Variants in RAD51B observed in about 807,000 individuals in gnomAD.
RAD51B encodes the protein RAD51 paralog B.
A neutral mutation model predicts 42.2 loss-of-function variants in RAD51B; 38 were observed. The observed-to-expected ratio is 0.90, with a 90% CI of 0.70 to 1.18. RAD51B has a LOEUF of 1.18. Ranked by LOEUF, RAD51B falls within the 50% of genes most tolerant of loss-of-function variation. The pLI is 0.00. For missense variants in RAD51B, 373 were observed against 400.7 expected (o/e 0.93, Z 0.59); for synonymous variants, 154 against 145.2 (o/e 1.06, Z -0.43).
intron 7 of RAD51B, among the ~76,000 whole-genome samples, chr14:67,948,544 G>A (rs2074378093): frequency 6.6e-6 from 1 of 152,078 alleles, no homozygotes; most frequent in Admixed American, 6.5e-5. Context: ...GCAATAATGT[G>A]AGTGATACAT....
At chr14:68,246,501 C>CT (rs1462585904) in intron 7 of RAD51B, among the ~76,000 whole-genome samples, 2 of 152,086 alleles carry the variant, frequency 1.3e-5, no homozygotes, top group African/African-American at 4.8e-5. Flanking sequence ...GAAAAGGGGG[C>CT]TTCCATGTGG....
At chr14:68,505,585 C>T (rs1475466006) in intron 10 of RAD51B, among the ~76,000 whole-genome samples, 4 of 143,282 alleles carry the variant, frequency 2.8e-5, no homozygotes, top group African/African-American at 1.1e-4. Flanking sequence ...GAGTCTCGCT[C>T]CGTTGCCCAG....
intron 10 of RAD51B, among the ~76,000 whole-genome samples, chr14:68,638,395 C>T (rs1465656171): frequency 6.6e-6 from 1 of 152,092 alleles, no homozygotes; most frequent in Non-Finnish European, 1.5e-5. Flanking sequence ...GGCCAGGCTT[C>T]CAAGCAAGCT....
chr14:68,258,736 A>G (rs2080813097), intron 7 of RAD51B, among the ~76,000 whole-genome samples: 1 of 152,074 alleles, frequency 6.6e-6, no homozygotes, highest in Non-Finnish European at 1.5e-5. Flanking sequence ...GCAGGTCATG[A>G]CCATCCCCAT....
chr14:68,638,705 C>T (rs1222132104), intron 10 of RAD51B, among the ~76,000 whole-genome samples: 1 of 151,996 alleles, frequency 6.6e-6, no homozygotes, highest in Non-Finnish European at 1.5e-5. Context: ...AAAAGGGTGC[C>T]GAGCAAACCT....
rs371844940 is a variant in RAD51B at position 68,653,876 on chromosome 14, G to A, written c.*11+3020G>A. Among the ~76,000 whole-genome samples, 3 of 152,220 alleles carry A rather than the reference G, an allele frequency of 2.0e-5. No individual in the cohort carries two copies. In the South Asian group the frequency reaches 6.2e-4, roughly 32 times the overall value. Reference sequence around the variant, plus strand: ...GAGAAACAGCATGTGCAAAGGCACAGGGGTACCACAGAACAAGTCAGTTGC... The same window carrying A: ...GAGAAACAGCATGTGCAAAGGCACAAGGGTACCACAGAACAAGTCAGTTGC... On this transcript the variant is annotated intron_variant, in intron 11 of 11. Coordinates refer to the RAD51B transcript ENST00000488612.
At chr14:67,856,252 G>C (rs1434236181) in intron 4 of RAD51B, among the ~76,000 whole-genome samples, 1 of 152,170 alleles carries the variant, frequency 6.6e-6, no homozygotes, top group African/African-American at 2.4e-5. Flanking sequence ...GGGAGTGGTA[G>C]AGAGAATCCA....
intron 5 of RAD51B, among the ~76,000 whole-genome samples, chr14:67,868,248 C>T (rs1428128677): frequency 6.6e-6 from 1 of 152,202 alleles, no homozygotes; most frequent in Admixed American, 6.5e-5. Context: ...CAAGCCGAAG[C>T]AGGGCGAGGC....
At chr14:67,917,775 T>C (rs1241807040) in intron 7 of RAD51B, among the ~76,000 whole-genome samples, 2 of 152,172 alleles carry the variant, frequency 1.3e-5, no homozygotes, top group Non-Finnish European at 2.9e-5. Context: ...AGAGGAACAC[T>C]GTGGACAGAG....
chr14:68,147,183 A>G (rs537522313), intron 7 of RAD51B, among the ~76,000 whole-genome samples: 2 of 152,332 alleles, frequency 1.3e-5, no homozygotes, highest in Admixed American at 1.3e-4. Context: ...ATCAACTGAG[A>G]TCTATAAACC....
intron 4 of RAD51B, 34 bp from the exon 5 acceptor site, chr14:67,864,960 ACTTTTTTTT>A (rs2042278443): frequency 1.0e-6 from 1 of 968,136 alleles, no homozygotes; most frequent in Non-Finnish European, 1.3e-6. Context: ...TATCTAAAAA[ACTTTTTTTT>A]TTTTTTTTTT....
chr14:68,535,898 G>A (rs1887589987), intron 10 of RAD51B, among the ~76,000 whole-genome samples: 1 of 152,182 alleles, frequency 6.6e-6, no homozygotes, highest in Non-Finnish European at 1.5e-5. Flanking sequence ...CAGTGCACTG[G>A]TATTGTTGTG....
At chr14:68,216,743 A>G (rs1028325138) in intron 7 of RAD51B, among the ~76,000 whole-genome samples, 1 of 152,068 alleles carries the variant, frequency 6.6e-6, no homozygotes, top group Non-Finnish European at 1.5e-5. Flanking sequence ...TTTACATATC[A>G]CCTCCTCCAT....
chr14:67,893,504 AC>A (rs1401101246), intron 7 of RAD51B, among the ~76,000 whole-genome samples: 2,199 of 97,396 alleles, frequency 0.023, 63 homozygotes, highest in Admixed American at 0.063. Context: ...ACACACACAC[AC>A]ACACAAAAAA....
chr14:68,273,674 G>A (rs2081165412), intron 7 of RAD51B, among the ~76,000 whole-genome samples: 1 of 152,032 alleles, frequency 6.6e-6, no homozygotes. Context: ...TTCGGAACAA[G>A]CACTTCCATC....
chr14:68,255,520 C>T (rs1307246402), intron 7 of RAD51B, among the ~76,000 whole-genome samples: 2 of 152,136 alleles, frequency 1.3e-5, no homozygotes, highest in African/African-American at 4.8e-5. Flanking sequence ...CAAGGAGGGA[C>T]TTGTTTTGAG....
chr14:68,493,274 G>A (rs577646625), intron 10 of RAD51B, among the ~76,000 whole-genome samples: 5 of 152,142 alleles, frequency 3.3e-5, no homozygotes, highest in Non-Finnish European at 4.4e-5. Flanking sequence ...AATCTCACTA[G>A]AATTCACATT....
intron 10 of RAD51B, among the ~76,000 whole-genome samples, chr14:68,522,211 G>A (rs1193358204): frequency 6.6e-6 from 1 of 152,162 alleles, no homozygotes; most frequent in African/African-American, 2.4e-5. Context: ...GCTCTTACTA[G>A]ACCTGGCTCA....
intron 7 of RAD51B, among the ~76,000 whole-genome samples, chr14:68,076,769 C>A (rs2076840286): frequency 6.6e-6 from 1 of 152,128 alleles, no homozygotes. Flanking sequence ...CAATTTCTTG[C>A]TTAAAGCTTT....
Sources: gnomAD v4.1 joint callset for allele counts (sites outside exome capture counted in the v4.1 genomes callset) on GRCh38, gnomAD v4.1.1 for gene constraint, MANE v1.5 for transcripts, NCBI Gene and HGNC (gene_info 2026-07-23, HGNC 2026-07-21) for gene names.